PTER: variants seen among roughly 807,000 people sequenced by gnomAD.
The protein encoded by PTER is N-acetyltaurine hydrolase.
Under a neutral mutation model 29.6 loss-of-function variants are expected in PTER, and 38 were observed. The ratio of observed to expected loss-of-function variants is 1.28; its 90% confidence interval spans 0.99 to 1.68. The LOEUF is 1.68. Ranked by LOEUF, PTER falls within the 40% of genes most tolerant of loss-of-function variation. The pLI is 0.00. For missense variants in PTER, 482 were observed against 427.8 expected, an observed-to-expected ratio of 1.13 and a Z score of -1.12; for synonymous variants, 172 against 154.5, an observed-to-expected ratio of 1.11 and a Z score of -0.84.
downstream of PTER, chr10:16,513,858 A>G (rs1836904384): frequency 6.5e-6 from 1 of 153,522 alleles, no homozygotes; most frequent in African/African-American, 2.4e-5. Context: ...GTCAATCTCT[A>G]TTTTTAAAGA....
rs1564414681 is a variant in PTER at position 16,511,894 on chromosome 10, T to C, written c.*638T>C. 6.5e-6 allele frequency: 1 copy of C among 152,878 alleles called. No homozygotes were observed. The highest frequency in any genetic ancestry group is 1.5e-5 in the Non-Finnish European group (1 of 68,208). The allele number at this position is 152,878 out of a possible 1,614,324, so 9.5% of individuals were successfully genotyped here. A position where few individuals can be genotyped will look rare whatever the true frequency, so the allele number is the denominator to read the frequency against. Reference sequence around the variant, plus strand: ...TCTTTGGCTTTCCGGTATCTATTTTTGCCATACATTTTGCTGTTTTGCAAA... The same window carrying C: ...TCTTTGGCTTTCCGGTATCTATTTTCGCCATACATTTTGCTGTTTTGCAAA... On this transcript the variant is annotated 3_prime_UTR_variant, in exon 5 of 5. Transcript: ENST00000535784.
chr10:16,506,445 A>G lies in PTER; in HGVS notation c.839+1285A>G, dbSNP rs922716648. On this transcript the variant is annotated intron_variant, in intron 4 of 4. Transcript: ENST00000535784. ...GTGGTGCCCATTCCACAGGGTTACTATAGAATTGACATGAAATAATGTTTT... is the reference window on the plus strand; with the variant it reads ...GTGGTGCCCATTCCACAGGGTTACTGTAGAATTGACATGAAATAATGTTTT... 5.5e-4 allele frequency among the ~76,000 whole-genome samples: 84 copies of G among 152,218 alleles called. 1 individual carries two copies. Among genetic ancestry groups the G allele is most frequent in the African/African-American group, 2.0e-3 (82 of 41,458 alleles).
chr10:16,511,255 A>G lies in PTER; in HGVS notation c.1049A>G (p.Ter350TrpextTer5). ...CCTAAGCAATGGCTAACTTTCAAAT[A>G]GGATGGTTGCTTATGAATTCACACC... Reference protein sequence around the residue: ...ENPKQWLTFK* With the variant: ...ENPKQWLTFKW Residue 350 changes from the stop codon to tryptophan (W), a stop_lost, in exon 5 of 5, where the codon TAG (stop) becomes TGG (tryptophan). Transcript: ENST00000535784. The G allele has an allele frequency of 6.2e-7, 1 of 1,612,460 alleles. No homozygotes were observed. The highest frequency in any genetic ancestry group is 8.5e-7 in the Non-Finnish European group (1 of 1,178,582).
At chr10:16,505,648 C>T (rs1836531764) in intron 4 of PTER, among the ~76,000 whole-genome samples, 1 of 152,156 alleles carries the variant, frequency 6.6e-6, no homozygotes, top group African/African-American at 2.4e-5. Context: ...TGAATGCAAC[C>T]TTCCAAAACT....
intron 3 of PTER, among the ~76,000 whole-genome samples, chr10:16,496,666 T>C (rs565808362): frequency 1.3e-5 from 2 of 152,326 alleles, no homozygotes; most frequent in South Asian, 4.1e-4. Flanking sequence ...AAATTCTGTA[T>C]AGCAAGTATT....
At chr10:16,466,970 A>T (rs1432648423) in intron 1 of PTER, among the ~76,000 whole-genome samples, 3 of 152,198 alleles carry the variant, frequency 2.0e-5, no homozygotes, top group Admixed American at 6.5e-5. Flanking sequence ...CAGTAACTTT[A>T]CTAAGTATTT....
At chr10:16,501,578 T>C (rs1836352514) in intron 3 of PTER, among the ~76,000 whole-genome samples, 1 of 152,210 alleles carries the variant, frequency 6.6e-6, no homozygotes, top group Non-Finnish European at 1.5e-5. Context: ...TTTCACTTTC[T>C]TCCCCCCATA....
chr10:16,489,510 AATT>A (rs1344076056), intron 3 of PTER, among the ~76,000 whole-genome samples: 2 of 150,534 alleles, frequency 1.3e-5, no homozygotes, highest in Admixed American at 6.6e-5. Flanking sequence ...ACATCTTGGA[AATT>A]ATTATGAGTA....
chr10:16,462,540 C>A (rs144694218), intron 1 of PTER, among the ~76,000 whole-genome samples: 2 of 149,026 alleles, frequency 1.3e-5, no homozygotes, highest in East Asian at 4.0e-4. Flanking sequence ...TCCAGCCCTG[C>A]GATTTGTGCT....
intron 1 of PTER, among the ~76,000 whole-genome samples, chr10:16,458,106 AC>A (rs1162865812): frequency 6.6e-6 from 1 of 152,220 alleles, no homozygotes; most frequent in African/African-American, 2.4e-5. Flanking sequence ...GAAAAACAAA[AC>A]AAAAGAAACC....
At chr10:16,484,894 G>A (rs1835634314) in intron 2 of PTER, 78 bp downstream of exon 2, 7 of 1,441,608 alleles carry the variant, frequency 4.9e-6, no homozygotes, top group Non-Finnish European at 5.5e-6. Context: ...CCTGGGTTCA[G>A]AGGTAGCTGG....
chr10:16,495,168 C>CTTT (rs3047217), intron 3 of PTER, among the ~76,000 whole-genome samples: 70 of 132,186 alleles, frequency 5.3e-4, no homozygotes, highest in African/African-American at 1.3e-3. Context: ...TTTGGAATTA[C>CTTT]TTTTTTTTTT....
At position 16,501,863 on chromosome 10, in the gene PTER, T is replaced by C. The variant is rs117510989; in HGVS notation, c.699-3157T>C. On this transcript the variant is annotated intron_variant, in intron 3 of 4. Transcript: ENST00000535784. Reference sequence around the variant, plus strand: ...AGTCCCAGTTTCTCAGTCTTCAGAATTGAGAGCTGCTGGGATCATGGAGGG... The same window carrying C: ...AGTCCCAGTTTCTCAGTCTTCAGAACTGAGAGCTGCTGGGATCATGGAGGG... Among the ~76,000 whole-genome samples the C allele has an allele frequency of 1.8e-3, 272 of 152,312 alleles. 3 individuals carry two copies. The highest frequency in any genetic ancestry group is 0.011 in the Admixed American group (172 of 15,288).
At chr10:16,473,006 T>C (rs1169938839) in intron 1 of PTER, among the ~76,000 whole-genome samples, 2 of 149,690 alleles carry the variant, frequency 1.3e-5, no homozygotes, top group African/African-American at 5.0e-5. Flanking sequence ...CCAATTTCCT[T>C]GCAAACTTCA....
intron 1 of PTER, among the ~76,000 whole-genome samples, chr10:16,457,523 A>G (rs1223218257): frequency 1.3e-5 from 2 of 151,172 alleles, no homozygotes; most frequent in East Asian, 2.0e-4. Flanking sequence ...CCTTTAGTTG[A>G]TTATTAAGCA....
At chr10:16,468,894 GA>G (rs1834942958) in intron 1 of PTER, among the ~76,000 whole-genome samples, 1 of 151,960 alleles carries the variant, frequency 6.6e-6, no homozygotes, top group Non-Finnish European at 1.5e-5. Context: ...AGGATCTCTT[GA>G]GCCCAGGAGT....
At chr10:16,505,708 CAAGTAGA>C (rs1344253824) in intron 4 of PTER, among the ~76,000 whole-genome samples, 2 of 152,140 alleles carry the variant, frequency 1.3e-5, no homozygotes, top group East Asian at 3.8e-4. Flanking sequence ...TCTTTGTAAT[CAAGTAGA>C]AAATTTTAGG....
chr10:16,474,841 C>T (rs1185076451), intron 1 of PTER, among the ~76,000 whole-genome samples: 4 of 152,172 alleles, frequency 2.6e-5, no homozygotes, highest in African/African-American at 9.6e-5. Context: ...GAGCCGAGAT[C>T]GCACCACTGC....
intron 1 of PTER, among the ~76,000 whole-genome samples, chr10:16,482,089 A>C (rs1005182939): frequency 9.9e-5 from 15 of 152,216 alleles, no homozygotes; most frequent in Non-Finnish European, 2.9e-5. Flanking sequence ...TAGCTGATAG[A>C]AGTTTGGCTT....
Sources: gnomAD v4.1 joint callset for allele counts (sites outside exome capture counted in the v4.1 genomes callset) on GRCh38, gnomAD v4.1.1 for gene constraint, MANE v1.5 for transcripts, NCBI Gene and HGNC (gene_info 2026-07-23, HGNC 2026-07-21) for gene names.